The following KLHL3 variants were observed in gnomAD, a reference collection of about 807,000 sequenced individuals.
The protein encoded by KLHL3 is kelch-like protein 3.
Under a neutral mutation model 70.5 loss-of-function variants are expected in KLHL3, and 19 were observed. The ratio of observed to expected loss-of-function variants is 0.27; its 90% confidence interval spans 0.19 to 0.40. The LOEUF (loss-of-function observed/expected upper bound fraction) is 0.40. Among genes scored for constraint, KLHL3 ranks in the 10% least tolerant of loss-of-function variants. The probability of loss-of-function intolerance (pLI) is 1.00; values close to 1 mark genes in which losing one functional copy is unlikely to be tolerated. For missense variants in KLHL3, 512 were observed against 771.1 expected (o/e 0.66, Z 3.98); for synonymous variants, 258 against 290.3 (o/e 0.89, Z 1.13).
At chr5:137,703,941 A>G (rs1752623498) in intron 3 of KLHL3, among the ~76,000 whole-genome samples, 1 of 152,008 alleles carries the variant, frequency 6.6e-6, no homozygotes, top group Non-Finnish European at 1.5e-5. Flanking sequence ...AAAAACTATG[A>G]CGTGCTCTAC....
At chr5:137,677,298 A>T (rs1211820801) in intron 6 of KLHL3, 1 of 310,346 alleles carries the variant, frequency 3.2e-6, no homozygotes, top group Non-Finnish European at 5.9e-6. Context: ...AATACAAAAA[A>T]TTAGCTGGGC....
chr5:137,700,414 A>G (rs1403742642), intron 3 of KLHL3, among the ~76,000 whole-genome samples: 1 of 152,186 alleles, frequency 6.6e-6, no homozygotes, highest in Non-Finnish European at 1.5e-5. Flanking sequence ...AAGCCCTCAC[A>G]GCAGTGTAAA....
Position 137,703,707 on chromosome 5 carries a change from G to A in KLHL3, c.242-5299C>T, listed in dbSNP as rs535923414. On this transcript the variant is annotated intron_variant, in intron 3 of 14. Coordinates refer to ENST00000309755, the MANE Select transcript of KLHL3 (RefSeq NM_017415.3). Reference sequence around the variant, plus strand: ...AAAGGAGACAATGAGATTGTGAAAGGTGGGACAGCAGGATCCAGCAGAACC... The same window carrying A: ...AAAGGAGACAATGAGATTGTGAAAGATGGGACAGCAGGATCCAGCAGAACC... Among the ~76,000 whole-genome samples, 4 of 152,192 alleles carry A rather than the reference G, an allele frequency of 2.6e-5. No homozygotes were observed. In the South Asian group the frequency reaches 8.3e-4, roughly 32 times the overall value.
In KLHL3 at chr5:137,720,572, G is replaced by A. The variant is rs751237338; in HGVS notation, c.27C>T (p.Ser9=). MEGESVKL[S]SQTLIQAGDD... Reference sequence around the variant, plus strand: ...CCCCAGCCTGTATCAGAGTCTGGGAGCTCAGCTTGACACTGTGAACAGGAA... The same window carrying A: ...CCCCAGCCTGTATCAGAGTCTGGGAACTCAGCTTGACACTGTGAACAGGAA... The change falls in exon 2 of 15, where the codon AGC becomes AGT. Residue 9 remains serine, a synonymous_variant. Coordinates refer to ENST00000309755, the MANE Select transcript of KLHL3 (RefSeq NM_017415.3). 4 of 1,613,984 alleles carry A rather than the reference G, an allele frequency of 2.5e-6. No individual in the cohort carries two copies. Among genetic ancestry groups the A allele is most frequent in the African/African-American group, 2.7e-5 (2 of 74,928 alleles).
intron 6 of KLHL3, among the ~76,000 whole-genome samples, chr5:137,666,068 G>A (rs565566089): frequency 4.4e-4 from 67 of 152,232 alleles, no homozygotes; most frequent in African/African-American, 1.5e-3. Context: ...TTGTTTGAAC[G>A]ACTATGTTTC....
chr5:137,631,672 C>T (rs1165805715), intron 12 of KLHL3, among the ~76,000 whole-genome samples: 1 of 152,186 alleles, frequency 6.6e-6, no homozygotes, highest in African/African-American at 2.4e-5. Flanking sequence ...CTGATAAGTG[C>T]AATTCATATT....
intron 14 of KLHL3, among the ~76,000 whole-genome samples, chr5:137,623,176 A>G (rs1279928765): frequency 2.6e-5 from 4 of 152,208 alleles, no homozygotes; most frequent in Non-Finnish European, 5.9e-5. Context: ...CTTATTTAGG[A>G]AAGTATCTGT....
At chr5:137,674,524 T>G (rs1207622131) in intron 6 of KLHL3, among the ~76,000 whole-genome samples, 1 of 152,238 alleles carries the variant, frequency 6.6e-6, no homozygotes, top group East Asian at 1.9e-4. Context: ...AAGGCGTATG[T>G]GTTTTTTACA....
chr5:137,732,720 A>C (rs1205138752), intron 1 of KLHL3, among the ~76,000 whole-genome samples: 1 of 152,192 alleles, frequency 6.6e-6, no homozygotes, highest in Non-Finnish European at 1.5e-5. Context: ...ATAGGTGGAT[A>C]CCAATGATAA....
Position 137,638,938 on chromosome 5 carries a change from A to C in KLHL3, c.1219+15T>G, listed in dbSNP as rs1173758106. On this transcript the variant is annotated intron_variant, in intron 10 of 14. Coordinates refer to ENST00000309755, the MANE Select transcript of KLHL3 (RefSeq NM_017415.3). ...TCCCAGGCTAGGAGGGGTTGGGAAC[A>C]CACCCTAAACCTACCAGTACTGCCA... 1.9e-6 allele frequency: 3 copies of C among 1,610,804 alleles called. No individual in the cohort carries two copies. In the East Asian group the frequency reaches 6.7e-5, roughly 36 times the overall value.
At chr5:137,640,626 A>T (rs1750889081) in intron 8 of KLHL3, among the ~76,000 whole-genome samples, 1 of 152,184 alleles carries the variant, frequency 6.6e-6, no homozygotes, top group Non-Finnish European at 1.5e-5. Flanking sequence ...ATTGACAGAT[A>T]GCAAAGTAAA....
chr5:137,695,726 A>T (rs181587871), intron 4 of KLHL3, among the ~76,000 whole-genome samples: 1 of 152,170 alleles, frequency 6.6e-6, no homozygotes, highest in African/African-American at 2.4e-5. Context: ...CTCTTCTCTT[A>T]TCTTGCCTGA....
intron 7 of KLHL3, 31 bp downstream of exon 7, chr5:137,661,884 A>G: frequency 8.1e-7 from 1 of 1,228,428 alleles, no homozygotes; most frequent in Non-Finnish European, 1.2e-6. Flanking sequence ...GGGTGAACAC[A>G]GAAGTGCTTG....
chr5:137,648,559 T>C (rs1263537200), intron 8 of KLHL3, among the ~76,000 whole-genome samples: 5 of 152,190 alleles, frequency 3.3e-5, no homozygotes, highest in Non-Finnish European at 5.9e-5. Flanking sequence ...GGGTTGTCCA[T>C]GGCAACCCAG....
rs1036064807 is a variant in KLHL3 at position 137,735,980 on chromosome 5, A to C, written c.-334T>G. The C allele has an allele frequency of 9.0e-5, 39 of 434,316 alleles. No individual in the cohort carries two copies. The highest frequency in any genetic ancestry group is 7.8e-4 in the African/African-American group (39 of 50,054). The allele number at this position is 434,316 out of a possible 1,614,324, so 26.9% of individuals were successfully genotyped here. A position where few individuals can be genotyped will look rare whatever the true frequency, so the allele number is the denominator to read the frequency against. On this transcript the variant is annotated 5_prime_UTR_variant, in exon 1 of 15. Coordinates refer to ENST00000309755, the MANE Select transcript of KLHL3 (RefSeq NM_017415.3). ...GGAACGGCGGCAGCTCCAGCGACCC[A>C]GGTGCACTGCCACCTTTCCAGCTTC...
intron 13 of KLHL3, among the ~76,000 whole-genome samples, chr5:137,626,864 C>T (rs979152095): frequency 9.2e-5 from 14 of 152,040 alleles, no homozygotes; most frequent in African/African-American, 1.7e-4. Flanking sequence ...ATTAGCCAGG[C>T]GTGATGGCGC....
intron 1 of KLHL3, chr5:137,725,172 T>G (rs1307027735): frequency 2.6e-6 from 1 of 383,448 alleles, no homozygotes; most frequent in Non-Finnish European, 3.6e-6. Flanking sequence ...GTGGATCCCC[T>G]CTCCTCGCCT....
At chr5:137,720,799 T>G in intron 1 of KLHL3, 1 of 1,394,178 alleles carries the variant, frequency 7.2e-7, no homozygotes, top group Non-Finnish European at 9.3e-7. Flanking sequence ...ATAGCTCAGC[T>G]TCTTCCACCA....
intron 1 of KLHL3, among the ~76,000 whole-genome samples, chr5:137,734,924 G>A (rs923504493): frequency 1.3e-5 from 2 of 152,138 alleles, no homozygotes; most frequent in Non-Finnish European, 2.9e-5. Context: ...TAACTGCCTC[G>A]CTAGTTAGAT....
Sources: allele counts gnomAD v4.1 joint callset (sites outside exome capture counted in the v4.1 genomes callset), GRCh38; gene constraint gnomAD v4.1.1; transcripts MANE v1.5; gene names NCBI Gene and HGNC (gene_info 2026-07-23, HGNC 2026-07-21).